The following FBP1 variants were observed in gnomAD, a reference collection of about 807,000 sequenced individuals.
The protein encoded by FBP1 is fructose-1,6-bisphosphatase 1.
A neutral mutation model predicts 29.9 loss-of-function variants in FBP1; 22 were observed. The ratio of observed to expected loss-of-function variants is 0.74; its 90% CI spans 0.53 to 1.05. FBP1 has a LOEUF of 1.05. FBP1 is among the 50% of genes least tolerant of loss of function. FBP1 has a pLI of 0.00. For synonymous variants in FBP1, 175 were observed against 178.6 expected, an observed-to-expected ratio of 0.98 and a Z score of 0.16; for missense variants, 345 against 448.2, an observed-to-expected ratio of 0.77 and a Z score of 2.08.
intron 1 of FBP1, among the ~76,000 whole-genome samples, chr9:94,638,793 C>A (rs550034961): frequency 6.6e-6 from 1 of 152,232 alleles, no homozygotes; most frequent in African/African-American, 2.4e-5. Context: ...GAGGCTAGGG[C>A]GGGTATGACG....
In FBP1 at chr9:94,639,359, G is replaced by A. The variant is rs778057537; in HGVS notation, c.-49C>T. ...GCTGCAGGTGCAAGCGGCAGGTGCG[G>A]GGCTGCAGGTGCGGGCGGCAAGAGA... is the stretch of plus-strand genomic sequence containing the variant. On this transcript the variant is annotated 5_prime_UTR_variant, in exon 1 of 7. Transcript: ENST00000375326. 2 of 1,574,232 alleles carry A rather than the reference G, an allele frequency of 1.3e-6. No homozygotes were observed. The highest frequency in any genetic ancestry group is 2.3e-5 in the South Asian group (2 of 86,440).
chr9:94,623,450 C>T (rs1422365520), intron 1 of FBP1, among the ~76,000 whole-genome samples: 2 of 152,206 alleles, frequency 1.3e-5, no homozygotes, highest in Non-Finnish European at 2.9e-5. Flanking sequence ...AAGTCTGCCC[C>T]CACGCGGCTG....
At chr9:94,625,784 G>T (rs1828017572) in intron 1 of FBP1, among the ~76,000 whole-genome samples, 1 of 151,784 alleles carries the variant, frequency 6.6e-6, no homozygotes, top group African/African-American at 2.4e-5. Context: ...GACAGAGCGA[G>T]ACTCCGTCAA....
chr9:94,639,239 C>A lies in FBP1; in HGVS notation c.72G>T (p.Lys24Asn). ...LTRFVMEEGR[K>N]ARGTGELTQL... Reference sequence around the variant, plus strand: ...GGGTCAACTCGCCCGTGCCGCGGGCCTTCCTGCCCTCCTCCATGACGAAGC... The same window carrying A: ...GGGTCAACTCGCCCGTGCCGCGGGCATTCCTGCCCTCCTCCATGACGAAGC... The change falls in exon 1 of 7, where the codon AAG (lysine) becomes AAT (asparagine). Residue 24 changes from lysine to asparagine, a missense_variant. Physicochemically the swap from Lys to Asn is moderately conservative, Grantham distance 94. Transcript: ENST00000375326. The A allele has an allele frequency of 6.2e-7, 1 of 1,602,204 alleles. No homozygotes were observed. Among genetic ancestry groups the A allele is most frequent in the Non-Finnish European group, 8.5e-7 (1 of 1,174,640 alleles).
rs28402409 is a variant in FBP1, at chr9:94,630,919, C to T, written c.170+8222G>A. On this transcript the variant is annotated intron_variant, in intron 1 of 6. Transcript: ENST00000375326. The stretch of plus-strand genomic sequence containing the variant: ...AGGCAGCCACATGACAATAGAGCCC[C>T]GCAGGCATCCACTAAGTAAGTGTGG... Among the ~76,000 whole-genome samples the T allele has an allele frequency of 3.6e-3, 545 of 152,216 alleles. 2 individuals are homozygous for T. Among genetic ancestry groups the T allele is most frequent in the Non-Finnish European group, 6.3e-3 (430 of 68,020 alleles).
chr9:94,613,025 G>T (rs1164452632), intron 3 of FBP1, among the ~76,000 whole-genome samples: 1 of 152,168 alleles, frequency 6.6e-6, no homozygotes, highest in Non-Finnish European at 1.5e-5. Flanking sequence ...CTGGCTCCAT[G>T]TCATCACATA....
chr9:94,629,033 G>A (rs1828065119), intron 1 of FBP1, among the ~76,000 whole-genome samples: 2 of 152,214 alleles, frequency 1.3e-5, no homozygotes, highest in South Asian at 2.1e-4. Flanking sequence ...CCAGGCTGGA[G>A]TGCAATGGCG....
At chr9:94,636,592 A>G (rs796616453) in intron 1 of FBP1, among the ~76,000 whole-genome samples, 1 of 152,240 alleles carries the variant, frequency 6.6e-6, no homozygotes, top group African/African-American at 2.4e-5. Flanking sequence ...GGTTACTTAG[A>G]CAGTGGGACA....
At chr9:94,604,683 C>T (rs1471708326) in intron 6 of FBP1, among the ~76,000 whole-genome samples, 1 of 152,148 alleles carries the variant, frequency 6.6e-6, no homozygotes, top group South Asian at 2.1e-4. Flanking sequence ...ACTCAGAATG[C>T]TGAGGCAGGA....
intron 3 of FBP1, among the ~76,000 whole-genome samples, chr9:94,612,437 C>T (rs979207672): frequency 4.6e-5 from 7 of 151,884 alleles, no homozygotes; most frequent in South Asian, 4.1e-4. Flanking sequence ...CTTCCTCGCA[C>T]GGAATAAAAA....
chr9:94,638,164 CA>C (rs1249322666), intron 1 of FBP1, among the ~76,000 whole-genome samples: 1 of 151,518 alleles, frequency 6.6e-6, no homozygotes, highest in Admixed American at 6.6e-5. Flanking sequence ...GTGTGACTTA[CA>C]AAAAACCTCA....
At chr9:94,617,085 G>T (rs999567181) in intron 3 of FBP1, among the ~76,000 whole-genome samples, 1 of 152,154 alleles carries the variant, frequency 6.6e-6, no homozygotes, top group Non-Finnish European at 1.5e-5. Context: ...TGTTTCTACA[G>T]ACAGACAGAT....
At chr9:94,613,930 A>C (rs923028934) in intron 3 of FBP1, among the ~76,000 whole-genome samples, 4 of 149,754 alleles carry the variant, frequency 2.7e-5, no homozygotes, top group Non-Finnish European at 5.9e-5. Flanking sequence ...ATACAAAAAA[A>C]ATTAGCCAAG....
At position 94,604,431 on chromosome 9, in the gene FBP1, C is replaced by T. The variant is rs142370472; in HGVS notation, c.826-859G>A. On this transcript the variant is annotated intron_variant, in intron 6 of 6. Transcript: ENST00000375326. ...TGCTGCAAACAGACCCAAATACATC[C>T]AAACACATAGGTTTTGTGTTTAAGG... 3.4e-3 allele frequency among the ~76,000 whole-genome samples: 519 copies of T among 151,276 alleles called. 4 individuals are homozygous for T. The highest frequency in any genetic ancestry group is 0.012 in the African/African-American group (490 of 41,140).
At position 94,605,512 on chromosome 9, in the gene FBP1, A is replaced by G. The variant is rs1261941135; in HGVS notation, c.770T>C (p.Leu257Pro). 6.2e-7 allele frequency: 1 copy of G among 1,613,952 alleles called. No individual in the cohort carries two copies. Among genetic ancestry groups the G allele is most frequent in the African/African-American group, 1.3e-5 (1 of 74,928 alleles). ...GTACAGAAATATCCCTCCGTAGACCAGAGTGCGATGAACATCAGCCACCAT... is the reference window on the plus strand; with the variant it reads ...GTACAGAAATATCCCTCCGTAGACCGGAGTGCGATGAACATCAGCCACCAT... ...GSMVADVHRTLVYGGIFLYPA... is the reference protein window; with the variant it reads ...GSMVADVHRTPVYGGIFLYPA... The change falls in exon 6 of 7, where the codon CTG becomes CCG. Residue 257 changes from leucine to proline, a missense_variant. By Grantham distance (98) the Leu-to-Pro change is moderately conservative. Transcript: ENST00000375326.
chr9:94,626,813 G>T (rs893726456), intron 1 of FBP1, among the ~76,000 whole-genome samples: 1 of 152,182 alleles, frequency 6.6e-6, no homozygotes, highest in Non-Finnish European at 1.5e-5. Context: ...AGCACTTTGG[G>T]AAGCTAAGGC....
At chr9:94,615,850 C>T (rs1389863367) in intron 3 of FBP1, among the ~76,000 whole-genome samples, 2 of 139,342 alleles carry the variant, frequency 1.4e-5, no homozygotes, top group African/African-American at 2.9e-5. Flanking sequence ...TTTTTTGAGA[C>T]GGAGTCTAGC....
intron 5 of FBP1, among the ~76,000 whole-genome samples, chr9:94,606,490 T>C (rs1827702486): frequency 6.6e-6 from 1 of 152,208 alleles, no homozygotes; most frequent in African/African-American, 2.4e-5. Flanking sequence ...CTAATTTTCT[T>C]CTGCCAAGAG....
At chr9:94,610,677 CCA>C (rs1827770852) in intron 3 of FBP1, among the ~76,000 whole-genome samples, 1 of 152,224 alleles carries the variant, frequency 6.6e-6, no homozygotes, top group South Asian at 2.1e-4. Context: ...ACCAGTGCCC[CCA>C]CACACACACC....
Sources: allele counts gnomAD v4.1 joint callset (sites outside exome capture counted in the v4.1 genomes callset), GRCh38; gene constraint gnomAD v4.1.1; transcripts MANE v1.5; gene names NCBI Gene and HGNC (gene_info 2026-07-23, HGNC 2026-07-21).